The following MAP3K2 variants were observed in gnomAD, a reference collection of about 807,000 sequenced individuals.
The protein encoded by MAP3K2 is MAP/ERK kinase kinase 2.
Under a neutral mutation model 80.3 loss-of-function variants are expected in MAP3K2, and 24 were observed. The ratio of observed to expected loss-of-function variants is 0.30; its 90% CI spans 0.22 to 0.42. MAP3K2 has a LOEUF of 0.42. MAP3K2 is among the 10% of genes least tolerant of loss of function. MAP3K2 has a pLI of 1.00. For synonymous variants in MAP3K2, 244 were observed against 253.7 expected (o/e 0.96, Z 0.36); for missense variants, 608 against 750.1 (o/e 0.81, Z 2.21).
At chr2:127,315,913 A>G (rs2104812505) in intron 14 of MAP3K2, among the ~76,000 whole-genome samples, 1 of 151,204 alleles carries the variant, frequency 6.6e-6, no homozygotes, top group Non-Finnish European at 1.5e-5. Flanking sequence ...CGTCTCTACT[A>G]AAAATATAAA....
At chr2:127,315,297 A>G (rs1459734643) in intron 14 of MAP3K2, among the ~76,000 whole-genome samples, 1 of 152,218 alleles carries the variant, frequency 6.6e-6, no homozygotes, top group Non-Finnish European at 1.5e-5. Flanking sequence ...ATTCCAATGT[A>G]TAAGTTTGAT....
rs112913923 is a variant in MAP3K2 at position 127,355,861 on chromosome 2, T to C, written c.-65-12667A>G. ...CCTCCCAAACCCTTCATCGACTGAGTTGCTTATTGCTGCTTTACCAGTAAG... is the reference window on the plus strand; with the variant it reads ...CCTCCCAAACCCTTCATCGACTGAGCTGCTTATTGCTGCTTTACCAGTAAG... On this transcript the variant is annotated intron_variant, in intron 1 of 16. Transcript: ENST00000682094. 1.5e-4 allele frequency among the ~76,000 whole-genome samples: 23 copies of C among 152,240 alleles called. 1 individual carries two copies. The highest frequency in any genetic ancestry group is 3.9e-4 in the African/African-American group (16 of 41,500).
In MAP3K2 at chr2:127,321,926, T is replaced by A; in HGVS notation, c.1045+120A>T. The A allele has an allele frequency of 1.3e-6, 1 of 780,526 alleles. No individual in the cohort carries two copies. The highest frequency in any genetic ancestry group is 1.7e-5 in the South Asian group (1 of 57,680). The allele number at this position is 780,526 out of a possible 1,614,324, so 48.4% of individuals were successfully genotyped here. A position where few individuals can be genotyped will look rare whatever the true frequency, so the allele number is the denominator to read the frequency against. On this transcript the variant is annotated intron_variant, in intron 12 of 16. Transcript: ENST00000682094. The surrounding 1 kb of genome is among the most constrained non-coding windows in gnomAD (Gnocchi z 4.4). The stretch of plus-strand genomic sequence containing the variant: ...CAACCACCTTTAGAAACACCATTAT[T>A]ACCTTTTTTGAGTAGTTCATCTGAC...
intron 7 of MAP3K2, 39 bp downstream of exon 7, chr2:127,329,882 G>A: frequency 8.7e-7 from 1 of 1,150,294 alleles, no homozygotes; most frequent in Non-Finnish European, 1.3e-6. Context: ...AAGAAATTGA[G>A]AAATCATTCA....
chr2:127,312,116 C>G (rs550291262), intron 15 of MAP3K2, among the ~76,000 whole-genome samples: 1 of 152,198 alleles, frequency 6.6e-6, no homozygotes, highest in South Asian at 2.1e-4. Context: ...TCTAGACAGT[C>G]TCTATTTAAG....
At chr2:127,341,224 C>T (rs183650128) in intron 2 of MAP3K2, among the ~76,000 whole-genome samples, 2 of 151,942 alleles carry the variant, frequency 1.3e-5, no homozygotes, top group African/African-American at 2.4e-5. Flanking sequence ...CTCCCGGCCT[C>T]GTGATCCGCC....
intron 1 of MAP3K2, among the ~76,000 whole-genome samples, chr2:127,376,959 G>A (rs1326261247): frequency 1.3e-5 from 2 of 151,944 alleles, no homozygotes; most frequent in Admixed American, 6.6e-5. Flanking sequence ...TACTCAGGAA[G>A]CTGAGGTGGG....
chr2:127,319,823 G>A (rs1208495123), intron 12 of MAP3K2, among the ~76,000 whole-genome samples: 2 of 148,930 alleles, frequency 1.3e-5, no homozygotes, highest in African/African-American at 5.0e-5. Context: ...TGGGCAACAA[G>A]AGTGAAACTC....
rs777715553 is a variant in MAP3K2, at chr2:127,308,600, C to G, written c.1619G>C (p.Arg540Thr). ...CAAAACCTACCAGATGTCTGCTTTT[C>G]TTCCATAGCCTTCTCCACTGATGAC... The part of the protein sequence containing the change: ...PEVISGEGYG[R>T]KADIWSVACT... The change falls in exon 16 of 17, where the codon AGA becomes ACA. Residue 540 changes from arginine to threonine, a missense_variant. Physicochemically the swap from Arg to Thr is moderately conservative, Grantham distance 71. Around this residue, in one of 4 missense-constraint regions of MAP3K2, gnomAD observed 88 missense variants for 132.4 expected, o/e 0.66. Transcript: ENST00000682094. The G allele has an allele frequency of 6.4e-6, 10 of 1,551,922 alleles. No homozygotes were observed. The highest frequency in any genetic ancestry group is 7.9e-6 in the Non-Finnish European group (9 of 1,140,716).
Position 127,322,877 on chromosome 2 carries a change from G to T in MAP3K2, c.839-625C>A, listed in dbSNP as rs980571751. On this transcript the variant is annotated intron_variant, in intron 11 of 16. Transcript: ENST00000682094. This position sits in a 1 kb window ranked among gnomAD's most constrained non-coding sequence, Gnocchi z 4.2. ...CCCAAAGTGCTGGGATTACAGGCAT[G>T]AGCCACCGCACCTGGCCAGTAATTT... is the stretch of plus-strand genomic sequence containing the variant. Among the ~76,000 whole-genome samples, 2 of 151,740 alleles carry T rather than the reference G, an allele frequency of 1.3e-5. No homozygotes were observed. The highest frequency in any genetic ancestry group is 1.5e-5 in the Non-Finnish European group (1 of 67,922).
rs1455581083 is a variant in MAP3K2, at chr2:127,304,973, A to G, written c.*2606T>C. ...AAAGAACATTACTTTCCCATAGCTA[A>G]TAATATTTTTCTTATAAAGCAAAGG... On this transcript the variant is annotated 3_prime_UTR_variant, in exon 17 of 17. Transcript: ENST00000682094. 1 of 152,534 alleles carries G rather than the reference A, an allele frequency of 6.6e-6. No homozygotes were observed. The highest frequency in any genetic ancestry group is 2.4e-5 in the African/African-American group (1 of 41,440). 9.4% of individuals were successfully genotyped at this position (152,534 alleles called of 1,614,324 possible).
chr2:127,326,566 G>T, intron 8 of MAP3K2, 121 bp downstream of exon 8: 1 of 647,032 alleles, frequency 1.5e-6, no homozygotes, highest in Non-Finnish European at 2.3e-6. Flanking sequence ...ATTTTGTTCA[G>T]TTAAGAAGAT....
rs1686052488 is a variant in MAP3K2 at position 127,322,825 on chromosome 2, C to CCT, written c.839-575_839-574dup. On this transcript the variant is annotated intron_variant, in intron 11 of 16. Transcript: ENST00000682094. This position sits in a 1 kb window ranked among gnomAD's most constrained non-coding sequence, Gnocchi z 4.2. The stretch of plus-strand genomic sequence containing the variant: ...GGCCAGGCTGGTCTCATACTCCTGA[C>CCT]CTCAGGTGATCCACCCGCCTCGGCC... 6.6e-6 allele frequency among the ~76,000 whole-genome samples: 1 copy of CCT among 151,546 alleles called. No individual in the cohort carries two copies. The highest frequency in any genetic ancestry group is 2.1e-4 in the South Asian group (1 of 4,778).
rs775766271 is a variant in MAP3K2, at chr2:127,329,993, G to A, written c.394C>T (p.Pro132Ser). The A allele has an allele frequency of 1.9e-6, 3 of 1,606,264 alleles. No individual in the cohort carries two copies. The Admixed American group carries it at 5.0e-5, about 27-fold the overall frequency. Residue 132 changes from proline to serine, a missense_variant, in exon 7 of 17, where the codon CCA becomes TCA. Transcript: ENST00000682094. ...NGSTQATNLE[P>S]LPSLEDLDNT... ...TCCAAATCTTCTAGTGATGGCAATG[G>A]TTCTAAATTAGTAGCCTACAAAGGA...
At chr2:127,356,756 G>A (rs1055503555) in intron 1 of MAP3K2, among the ~76,000 whole-genome samples, 6 of 152,192 alleles carry the variant, frequency 3.9e-5, no homozygotes, top group Non-Finnish European at 8.8e-5. Context: ...CTAAATGTAA[G>A]ATGTGAAATT....
chr2:127,335,762 T>C (rs538428021), intron 5 of MAP3K2, 108 bp downstream of exon 5: 59 of 583,438 alleles, frequency 1.0e-4, no homozygotes, highest in South Asian at 5.4e-4. Context: ...TGACATACCA[T>C]ATATTTATCA....
intron 1 of MAP3K2, among the ~76,000 whole-genome samples, chr2:127,384,525 TGG>T (rs1021924031): frequency 9.2e-5 from 14 of 152,120 alleles, no homozygotes; most frequent in African/African-American, 3.4e-4. Flanking sequence ...CCAGCCCTCA[TGG>T]ATGACTTTGA....
chr2:127,324,359 C>G (rs1686089024), intron 9 of MAP3K2, 118 bp from the exon 10 acceptor site: 2 of 565,244 alleles, frequency 3.5e-6, no homozygotes, highest in African/African-American at 1.9e-5. Flanking sequence ...TGTAAAGGAG[C>G]TCACTTTGAA....
intron 2 of MAP3K2, among the ~76,000 whole-genome samples, chr2:127,340,664 GAAAA>G (rs754899217): frequency 1.6e-5 from 2 of 127,174 alleles, no homozygotes; most frequent in African/African-American, 2.9e-5. Context: ...TTCCCAAAAG[GAAAA>G]AAAAAAAAAA....
Sources: allele counts gnomAD v4.1 joint callset (sites outside exome capture counted in the v4.1 genomes callset), GRCh38; gene constraint gnomAD v4.1.1; regional missense constraint gnomAD v4.1.1; non-coding constraint Gnocchi (gnomAD v3.1); transcripts MANE v1.5; gene names NCBI Gene and HGNC (gene_info 2026-07-23, HGNC 2026-07-21).